The following LRRTM4 variants were observed in gnomAD, a reference collection of about 807,000 sequenced individuals.
LRRTM4 encodes leucine rich repeat transmembrane neuronal 4.
A neutral mutation model predicts 47.6 loss-of-function variants in LRRTM4; 25 were observed. The ratio of observed to expected loss-of-function variants is 0.53; its 90% CI spans 0.38 to 0.73. The LOEUF (loss-of-function observed/expected upper bound fraction) is 0.73, where lower values mean the gene tolerates loss of function less well. Ranked by LOEUF, LRRTM4 falls within the 30% of genes least tolerant of loss-of-function variation. LRRTM4 has a pLI of 0.00. For synonymous variants in LRRTM4, 311 were observed against 269.5 expected, an observed-to-expected ratio of 1.15 and a Z score of -1.51; for missense variants, 638 against 713.4, an observed-to-expected ratio of 0.89 and a Z score of 1.20.
intron 3 of LRRTM4, among the ~76,000 whole-genome samples, chr2:77,265,196 G>A (rs1289011791): frequency 1.3e-5 from 2 of 152,044 alleles, no homozygotes; most frequent in Non-Finnish European, 1.5e-5. Context: ...ATTTTCAGTT[G>A]TATTTTAACT....
At chr2:77,516,976 T>A in intron 3 of LRRTM4, 3 of 984,974 alleles carry the variant, frequency 3.0e-6, no homozygotes, top group Non-Finnish European at 3.6e-6. Flanking sequence ...GCAACATCTT[T>A]AATTACTCAT....
chr2:76,908,020 G>A (rs1673910474), intron 3 of LRRTM4, among the ~76,000 whole-genome samples: 1 of 151,834 alleles, frequency 6.6e-6, no homozygotes, highest in African/African-American at 2.4e-5. Flanking sequence ...TGATACCAAA[G>A]CTGGGCAGAG....
At chr2:77,073,481 T>C (rs1433758497) in intron 3 of LRRTM4, among the ~76,000 whole-genome samples, 2 of 152,082 alleles carry the variant, frequency 1.3e-5, no homozygotes, top group Admixed American at 6.6e-5. Flanking sequence ...TTATTTGTTT[T>C]TTCTATGTTA....
chr2:76,959,550 A>G lies in LRRTM4; in HGVS notation c.1552-210634T>C, dbSNP rs75164163. 4.9e-3 allele frequency among the ~76,000 whole-genome samples: 743 copies of G among 151,836 alleles called. 17 individuals carry two copies. In the East Asian group the frequency reaches 0.075, roughly 15 times the overall value. ...TGTAAGAAAGCTAGGACAAACAGGC[A>G]TATACTCCTTAATTTCAAAAGTAAA... On this transcript the variant is annotated intron_variant, in intron 3 of 3. Coordinates refer to ENST00000409884, the MANE Select transcript of LRRTM4 (RefSeq NM_001134745.3).
chr2:76,967,737 C>A (rs900832641), intron 3 of LRRTM4, among the ~76,000 whole-genome samples: 10 of 151,580 alleles, frequency 6.6e-5, no homozygotes, highest in Non-Finnish European at 1.0e-4. Flanking sequence ...CTAACACATT[C>A]TTTGCAGCTC....
At chr2:76,971,934 G>A (rs7581850) in intron 3 of LRRTM4, among the ~76,000 whole-genome samples, 3,485 of 152,054 alleles carry the variant, frequency 0.023, 167 homozygotes, top group African/African-American at 0.08. Context: ...TGTTGATCAT[G>A]GTGACAGTGC....
intron 3 of LRRTM4, among the ~76,000 whole-genome samples, chr2:77,081,037 T>C (rs144974454): frequency 6.6e-6 from 1 of 152,186 alleles, no homozygotes; most frequent in Admixed American, 6.6e-5. Context: ...AATTGCAATT[T>C]CTCAATGCCT....
intron 3 of LRRTM4, among the ~76,000 whole-genome samples, chr2:76,805,371 A>G (rs1049503989): frequency 3.9e-5 from 6 of 152,178 alleles, no homozygotes; most frequent in Non-Finnish European, 7.3e-5. Context: ...TGATTTTTAA[A>G]AGAAAAAACT....
intron 3 of LRRTM4, among the ~76,000 whole-genome samples, chr2:77,108,485 A>G (rs921563962): frequency 5.9e-5 from 9 of 151,924 alleles, no homozygotes; most frequent in African/African-American, 2.2e-4. Context: ...TATAGAATAT[A>G]TATATTTTAA....
chr2:77,502,062 A>G (rs1678588963), intron 3 of LRRTM4, among the ~76,000 whole-genome samples: 1 of 151,426 alleles, frequency 6.6e-6, no homozygotes, highest in Admixed American at 6.6e-5. Flanking sequence ...TTATCCTGAA[A>G]ATGTCGAAAA....
chr2:77,341,364 C>G (rs959762424), intron 3 of LRRTM4, among the ~76,000 whole-genome samples: 5 of 151,612 alleles, frequency 3.3e-5, no homozygotes, highest in Non-Finnish European at 5.9e-5. Context: ...TGGTATATAC[C>G]CCCTCCATCA....
chr2:77,303,927 G>A (rs1310288422), intron 3 of LRRTM4, among the ~76,000 whole-genome samples: 1 of 152,104 alleles, frequency 6.6e-6, no homozygotes, highest in South Asian at 2.1e-4. Context: ...CAGGACTGCA[G>A]GAATCTCATC....
intron 3 of LRRTM4, among the ~76,000 whole-genome samples, chr2:77,024,774 T>C (rs888442780): frequency 3.9e-5 from 6 of 152,132 alleles, no homozygotes; most frequent in African/African-American, 1.4e-4. Flanking sequence ...TAAAAGTATA[T>C]AGTAGGAATT....
At chr2:77,175,662 T>C (rs931300452) in intron 3 of LRRTM4, among the ~76,000 whole-genome samples, 1 of 152,190 alleles carries the variant, frequency 6.6e-6, no homozygotes, top group African/African-American at 2.4e-5. Context: ...AAAAATACCA[T>C]GGGCCCCCAG....
chr2:77,272,601 C>T (rs1364569257), intron 3 of LRRTM4, among the ~76,000 whole-genome samples: 1 of 152,172 alleles, frequency 6.6e-6, no homozygotes, highest in Non-Finnish European at 1.5e-5. Context: ...TTTGTCCCCT[C>T]TAAAGCTCAT....
chr2:77,290,611 C>T (rs1676796811), intron 3 of LRRTM4, among the ~76,000 whole-genome samples: 1 of 151,872 alleles, frequency 6.6e-6, no homozygotes, highest in East Asian at 1.9e-4. Flanking sequence ...ATCCCAATTA[C>T]CTTAATTTGA....
chr2:77,193,289 T>G (rs1673724177), intron 3 of LRRTM4, among the ~76,000 whole-genome samples: 1 of 152,142 alleles, frequency 6.6e-6, no homozygotes, highest in Non-Finnish European at 1.5e-5. Flanking sequence ...CACAACAAAA[T>G]CACCAAACAA....
chr2:76,798,870 G>A (rs905542996), intron 3 of LRRTM4, among the ~76,000 whole-genome samples: 4 of 152,142 alleles, frequency 2.6e-5, no homozygotes, highest in African/African-American at 9.7e-5. Flanking sequence ...ATACATTCGT[G>A]GACACATGCA....
chr2:77,484,531 T>C (rs1050095269), intron 3 of LRRTM4, among the ~76,000 whole-genome samples: 8 of 152,214 alleles, frequency 5.3e-5, no homozygotes, highest in African/African-American at 1.7e-4. Context: ...TTTTTCTTTT[T>C]CTAGTTTTAT....
Sources: gnomAD v4.1 joint callset for allele counts (sites outside exome capture counted in the v4.1 genomes callset) on GRCh38, gnomAD v4.1.1 for gene constraint, MANE v1.5 for transcripts, NCBI Gene and HGNC (gene_info 2026-07-23, HGNC 2026-07-21) for gene names.